Variants in TNS1 observed in about 807,000 individuals in gnomAD.
TNS1 encodes tensin-1.
Under a neutral mutation model 168.6 loss-of-function variants are expected in TNS1, and 62 were observed. The observed-to-expected ratio is 0.37, with a 90% CI of 0.30 to 0.45. The LOEUF is 0.45. Ranked by LOEUF, TNS1 falls within the 20% of genes least tolerant of loss-of-function variation. The probability of loss-of-function intolerance (pLI) is 1.00; values close to 1 mark genes in which losing one functional copy is unlikely to be tolerated. For missense variants in TNS1, 2,240 were observed against 2,339.4 expected (o/e 0.96, Z 0.88); for synonymous variants, 934 against 933.2 (o/e 1.00, Z -0.02).
chr2:217,839,342 AGGCCTTCCCC>A (rs1945620489), intron 19 of TNS1, among the ~76,000 whole-genome samples: 1 of 152,098 alleles, frequency 6.6e-6, no homozygotes, highest in Non-Finnish European at 1.5e-5. Flanking sequence ...CACGGGCATC[AGGCCTTCCCC>A]ACAGCCCTGC....
rs1337166584 is a variant in TNS1, at chr2:217,898,891, G to A, written c.372-922C>T. Among the ~76,000 whole-genome samples, 7 of 152,284 alleles carry A rather than the reference G, an allele frequency of 4.6e-5. 1 individual carries two copies. The highest frequency in any genetic ancestry group is 4.6e-4 in the Admixed American group (7 of 15,304). On this transcript the variant is annotated intron_variant, in intron 7 of 32. Transcript: ENST00000682258. ...TGCCCACTTGGGAAGCCCACCTCTT[G>A]CTTCTAGAAGCACCTCCCCCATCCC...
chr2:217,809,081 T>G (rs13025249), intron 30 of TNS1, among the ~76,000 whole-genome samples: 105 of 152,134 alleles, frequency 6.9e-4, no homozygotes, highest in African/African-American at 2.4e-3. Flanking sequence ...GAAGGATGGA[T>G]GAATGGGTGG....
intron 4 of TNS1, among the ~76,000 whole-genome samples, chr2:217,911,809 G>A (rs1029925011): frequency 3.3e-5 from 5 of 152,186 alleles, no homozygotes; most frequent in African/African-American, 7.2e-5. Context: ...CAGTTCCTCT[G>A]ATAACTGCCT....
chr2:217,810,521 G>A (rs2125096538), intron 28 of TNS1, among the ~76,000 whole-genome samples: 1 of 152,238 alleles, frequency 6.6e-6, no homozygotes, highest in Admixed American at 6.5e-5. Context: ...TGTGAGCTCT[G>A]GAGTCCAGCA....
At chr2:217,966,317 G>GCA (rs1957638044) in intron 3 of TNS1, among the ~76,000 whole-genome samples, 3 of 151,492 alleles carry the variant, frequency 2.0e-5, no homozygotes, top group South Asian at 4.2e-4. Flanking sequence ...GTGCGCGCGC[G>GCA]CGCGTGTGTA....
In TNS1 at chr2:217,881,022, G is replaced by C. The variant is rs1950630652; in HGVS notation, c.1313-8C>G. 3.1e-6 allele frequency: 5 copies of C among 1,601,022 alleles called. No individual in the cohort carries two copies. The highest frequency in any genetic ancestry group is 1.3e-5 in the African/African-American group (1 of 74,652). ...TCTCCAGGTGCTCCATGCCTAAGTG[G>C]GATGGGAAAGGCAGCGGCAGTCGGG... On this transcript the variant is annotated splice_polypyrimidine_tract_variant and splice_region_variant and intron_variant, in intron 17 of 32. Transcript: ENST00000682258.
In TNS1 at chr2:217,822,009, T is replaced by A. The variant is rs542252286; in HGVS notation, c.3374-71A>T. 2.1e-6 allele frequency: 3 copies of A among 1,437,684 alleles called. No homozygotes were observed. The Admixed American group carries it at 7.7e-5, about 37-fold the overall frequency. The allele number at this position is 1,437,684 out of a possible 1,614,324, so 89.1% of individuals were successfully genotyped here. On this transcript the variant is annotated intron_variant, in intron 22 of 32. Transcript: ENST00000682258. ...GGTGCAGTGCAGGTCCCCCCCAACC[T>A]CCCCTGGAACACAGCTTCCTGGACT...
At chr2:217,943,725 C>T (rs1236843353) in intron 3 of TNS1, 3 of 152,400 alleles carry the variant, frequency 2.0e-5, no homozygotes, top group Admixed American at 6.5e-5. Context: ...CTCACCTTCT[C>T]CTAATCTGAT....
intron 3 of TNS1, among the ~76,000 whole-genome samples, chr2:217,922,854 C>T (rs140578296): frequency 0.013 from 2,004 of 152,364 alleles, 51 homozygotes; most frequent in African/African-American, 0.045. Context: ...GTCCTCCATC[C>T]TCCGCCCACA....
At chr2:217,845,431 G>GTGT (rs1204215589) in intron 19 of TNS1, among the ~76,000 whole-genome samples, 2 of 152,292 alleles carry the variant, frequency 1.3e-5, no homozygotes, top group African/African-American at 4.8e-5. Context: ...CAGATACCCT[G>GTGT]AAAGGCTACT....
At chr2:217,902,217 C>T (rs1438146885) in intron 6 of TNS1, among the ~76,000 whole-genome samples, 3 of 152,220 alleles carry the variant, frequency 2.0e-5, no homozygotes, top group African/African-American at 7.2e-5. Context: ...CTCCATTTCA[C>T]TGGTCCCTAA....
At chr2:217,884,465 C>A (rs1389986006) in intron 16 of TNS1, among the ~76,000 whole-genome samples, 5 of 152,114 alleles carry the variant, frequency 3.3e-5, no homozygotes, top group African/African-American at 1.2e-4. Flanking sequence ...GAAGCAAAAG[C>A]AAACACCAAA....
chr2:217,821,001 G>A (rs112625788), intron 23 of TNS1, among the ~76,000 whole-genome samples: 2 of 152,284 alleles, frequency 1.3e-5, no homozygotes, highest in African/African-American at 4.8e-5. Context: ...GGAATGCCCT[G>A]TCTCTCTTTC....
Position 217,813,859 on chromosome 2 carries a change from C to T in TNS1, c.4730-43G>A, listed in dbSNP as rs7559273. Reference sequence around the variant, plus strand: ...AAGGAGAGAGGAGGAAGCAAGACCTCGGTGGCGCTAGTTTTACTTAAGTCT... The same window carrying T: ...AAGGAGAGAGGAGGAAGCAAGACCTTGGTGGCGCTAGTTTTACTTAAGTCT... On this transcript the variant is annotated intron_variant, in intron 25 of 32. Coordinates refer to ENST00000682258, the MANE Select transcript of TNS1 (RefSeq NM_001387777.1). The surrounding 1 kb of genome is among the most constrained non-coding windows in gnomAD (Gnocchi z 4.0). 67,437 of 1,535,406 alleles carry T rather than the reference C, an allele frequency of 0.044. 3,009 individuals are homozygous for T. The highest frequency in any genetic ancestry group is 0.21 in the Admixed American group (10,005 of 47,488).
At position 217,813,105 on chromosome 2, in the gene TNS1, T is replaced by G. The variant is rs1458571455; in HGVS notation, c.4954+110A>C. 1 of 730,966 alleles carries G rather than the reference T, an allele frequency of 1.4e-6. No individual in the cohort carries two copies. Among genetic ancestry groups the G allele is most frequent in the Non-Finnish European group, 2.4e-6 (1 of 418,478 alleles). The allele number at this position is 730,966 out of a possible 1,614,324, so 45.3% of individuals were successfully genotyped here. On this transcript the variant is annotated intron_variant, in intron 27 of 32. Coordinates refer to ENST00000682258, the MANE Select transcript of TNS1 (RefSeq NM_001387777.1). The surrounding 1 kb of genome is among the most constrained non-coding windows in gnomAD (Gnocchi z 4.0). ...TTCTCTGCTGAATTTATGACAAGGG[T>G]GACTGGCAGAGCCTGTCAGAAAGAA...
chr2:217,929,550 G>A (rs1006956506), intron 3 of TNS1, among the ~76,000 whole-genome samples: 1 of 152,126 alleles, frequency 6.6e-6, no homozygotes, highest in Admixed American at 6.5e-5. Context: ...AGGGGTCAGA[G>A]GGCACGGAGG....
At chr2:217,837,110 G>A (rs140570284) in intron 19 of TNS1, among the ~76,000 whole-genome samples, 19 of 152,200 alleles carry the variant, frequency 1.2e-4, no homozygotes, top group African/African-American at 3.9e-4. Flanking sequence ...AGCCTGAAGC[G>A]TGGGCTTCTG....
intron 11 of TNS1, among the ~76,000 whole-genome samples, 195 bp downstream of exon 11, chr2:217,892,753 G>A (rs1951865406): frequency 6.6e-6 from 1 of 152,094 alleles, no homozygotes; most frequent in African/African-American, 2.4e-5. Flanking sequence ...ATAGAGAAGT[G>A]GACTCTCCTC....
At chr2:217,852,028 C>T (rs1308912230) in intron 18 of TNS1, among the ~76,000 whole-genome samples, 1 of 152,142 alleles carries the variant, frequency 6.6e-6, no homozygotes, top group Non-Finnish European at 1.5e-5. Flanking sequence ...GCCTGTAATC[C>T]CAGCTACTCG....
Sources: gnomAD v4.1 joint callset for allele counts (sites outside exome capture counted in the v4.1 genomes callset) on GRCh38, gnomAD v4.1.1 for gene constraint, Gnocchi (gnomAD v3.1) non-coding constraint, MANE v1.5 for transcripts, NCBI Gene and HGNC (gene_info 2026-07-23, HGNC 2026-07-21) for gene names.